ZDHHC11: variants seen among roughly 807,000 people sequenced by gnomAD.
ZDHHC11 encodes the protein zDHHC palmitoyltransferase 11.
In ZDHHC11, 44 loss-of-function variants were observed where a neutral mutation model predicts 51.3. The observed-to-expected ratio is 0.86, with a 90% CI of 0.67 to 1.10. ZDHHC11 has a LOEUF of 1.10. ZDHHC11 is among the 50% of genes least tolerant of loss of function. ZDHHC11 has a pLI of 0.00. For missense variants in ZDHHC11, 400 were observed against 537.7 expected (o/e 0.74, Z 2.53); for synonymous variants, 163 against 222.0 (o/e 0.73, Z 2.36).
intron 1 of ZDHHC11, among the ~76,000 whole-genome samples, chr5:856,051 G>T (rs1289929352): frequency 6.6e-6 from 1 of 152,120 alleles, no homozygotes. Flanking sequence ...CGTCACATCA[G>T]CCAGAGAAGA....
upstream of ZDHHC11, among the ~76,000 whole-genome samples, chr5:855,183 C>CA (rs2150509454): frequency 7.1e-6 from 1 of 140,322 alleles, no homozygotes; most frequent in African/African-American, 2.7e-5. Flanking sequence ...AACAGAGAGC[C>CA]GGGGAGACAG....
Position 805,736 on chromosome 5 carries a change from A to T in ZDHHC11, c.1182-4572T>A, listed in dbSNP as rs573683415. Among the ~76,000 whole-genome samples, 3 of 151,346 alleles carry T rather than the reference A, an allele frequency of 2.0e-5. 1 individual carries two copies. In the South Asian group the frequency reaches 6.3e-4, roughly 32 times the overall value. On this transcript the variant is annotated intron_variant, in intron 11 of 12. Transcript: ENST00000283441. ...ATAGATAGATATATTGAACTTTTTA[A>T]TTAAAAGTCAGGGATTGGCGGATTG...
chr5:799,434 C>T (rs1216738428), intron 12 of ZDHHC11, among the ~76,000 whole-genome samples: 3 of 151,636 alleles, frequency 2.0e-5, no homozygotes, highest in Admixed American at 1.3e-4. Context: ...TACCCAGGCT[C>T]AAGTGTTTCT....
At chr5:798,382 C>T (rs1285559643) in intron 12 of ZDHHC11, among the ~76,000 whole-genome samples, 9 of 151,496 alleles carry the variant, frequency 5.9e-5, no homozygotes, top group Admixed American at 5.3e-4. Context: ...AATATTTACA[C>T]TCGCACTCAC....
intron 11 of ZDHHC11, among the ~76,000 whole-genome samples, chr5:804,006 A>T: frequency 6.6e-6 from 1 of 150,732 alleles, no homozygotes; most frequent in Non-Finnish European, 1.5e-5. Flanking sequence ...GGTTTGTTAG[A>T]CACCATCAAG....
rs565713374 is a variant in ZDHHC11, at chr5:824,794, G to A, written c.1023+370C>T. ...TAAAAAAAAAAAAAAAACAGCACAT[G>A]GCTTCTGCCATGGCTACCAATTTCC... is the stretch of plus-strand genomic sequence containing the variant. On this transcript the variant is annotated intron_variant, in intron 8 of 12. Coordinates refer to ENST00000283441, the MANE Select transcript of ZDHHC11 (RefSeq NM_024786.3). Among the ~76,000 whole-genome samples the A allele has an allele frequency of 9.9e-5, 15 of 150,934 alleles. No homozygotes were observed. The South Asian group carries it at 3.1e-3, about 32-fold the overall frequency.
At chr5:852,630 CAG>C (rs1747400868), upstream of ZDHHC11, among the ~76,000 whole-genome samples, 1 of 148,928 alleles carries the variant, frequency 6.7e-6, no homozygotes, top group Non-Finnish European at 1.5e-5. Context: ...ACAGACTCCA[CAG>C]AGGACAGTGA....
Position 795,762 on chromosome 5 carries a change from G to T in ZDHHC11, c.*826C>A, listed in dbSNP as rs555246975. The T allele has an allele frequency of 6.5e-6, 1 of 154,620 alleles. No individual in the cohort carries two copies. The highest frequency in any genetic ancestry group is 2.4e-5 in the African/African-American group (1 of 41,438). 9.6% of individuals were successfully genotyped at this position (154,620 alleles called of 1,614,324 possible). ...CTACTAAGATAAGAAGTCTGGGCTA[G>T]GCTGAAAAACTCAGAATCCAGGTCT... On this transcript the variant is annotated 3_prime_UTR_variant, in exon 13 of 13. Coordinates refer to ENST00000283441, the MANE Select transcript of ZDHHC11 (RefSeq NM_024786.3).
intron 8 of ZDHHC11, chr5:823,925 C>G: frequency 5.1e-6 from 2 of 390,786 alleles, no homozygotes; most frequent in Non-Finnish European, 1.1e-5. Flanking sequence ...GGGCTGGGGG[C>G]TCAATCGATT....
intron 4 of ZDHHC11, chr5:841,102 A>G: frequency 4.4e-6 from 4 of 913,550 alleles, no homozygotes; most frequent in Non-Finnish European, 5.0e-6. Context: ...CTTCCTCACT[A>G]AGTGCCAGGG....
At position 843,909 on chromosome 5, in the gene ZDHHC11, GGGACACGCA is replaced by G. The variant is rs1561292776; in HGVS notation, c.504-194_504-186del. Among the ~76,000 whole-genome samples the G allele has an allele frequency of 7.3e-4, 85 of 116,568 alleles. 3 individuals carry two copies. Among genetic ancestry groups the G allele is most frequent in the Middle Eastern group, 3.9e-3 (1 of 258 alleles). 76.5% of individuals were successfully genotyped at this position (116,568 alleles called of 152,430 possible). A position where few individuals can be genotyped will look rare whatever the true frequency, so the allele number is the denominator to read the frequency against. ...GTGTGGGGGCGGGGAGGCAGGGGCA[GGGACACGCA>G]GGGCATCTGAGGCAGGGGCGGGGGC... On this transcript the variant is annotated intron_variant, in intron 3 of 12. Transcript: ENST00000283441.
chr5:859,886 G>A (rs1055024746), upstream of ZDHHC11, among the ~76,000 whole-genome samples: 2 of 152,158 alleles, frequency 1.3e-5, no homozygotes, highest in African/African-American at 2.4e-5. Context: ...GAATGCCTCC[G>A]ATGCGGGCCA....
Position 802,825 on chromosome 5 carries a change from C to CAAAAAAAAAAAAAAAAAAAAAAAAAAA in ZDHHC11, c.1182-1688_1182-1662dup, listed in dbSNP as rs70957306. 2.6e-4 allele frequency among the ~76,000 whole-genome samples: 5 copies of CAAAAAAAAAAAAAAAAAAAAAAAAAAA among 19,100 alleles called. 2 individuals carry two copies. The highest frequency in any genetic ancestry group is 8.4e-4 in the Non-Finnish European group (5 of 5,928). The allele number at this position is 19,100 out of a possible 152,430, so 12.5% of individuals were successfully genotyped here. On this transcript the variant is annotated intron_variant, in intron 11 of 12. Transcript: ENST00000283441. The stretch of plus-strand genomic sequence containing the variant: ...TGTCTCTACTAAAAATACAAAAATA[C>CAAAAAAAAAAAAAAAAAAAAAAAAAAA]AAAAAAAAAAAAAAAAAAAAAAAAA...
chr5:810,526 T>C (rs574356730), intron 11 of ZDHHC11, among the ~76,000 whole-genome samples: 84 of 151,170 alleles, frequency 5.6e-4, no homozygotes, highest in African/African-American at 1.8e-3. Context: ...TCTTAATGAA[T>C]GGACTTTCCC....
At chr5:857,350 C>T (rs1319114269) in intron 1 of ZDHHC11, among the ~76,000 whole-genome samples, 3 of 152,186 alleles carry the variant, frequency 2.0e-5, no homozygotes, top group African/African-American at 7.2e-5. Flanking sequence ...TCCTTCTCTG[C>T]ACCACCACAC....
chr5:834,354 G>A (rs1743496678), intron 6 of ZDHHC11, among the ~76,000 whole-genome samples: 1 of 152,178 alleles, frequency 6.6e-6, no homozygotes. Flanking sequence ...ATGTATGTAT[G>A]TATTTTTATT....
At chr5:845,170 T>C (rs1425759538) in intron 3 of ZDHHC11, among the ~76,000 whole-genome samples, 1 of 152,298 alleles carries the variant, frequency 6.6e-6, no homozygotes, top group Non-Finnish European at 1.5e-5. Flanking sequence ...CATGAGCGGC[T>C]CCCTGACTGC....
intron 3 of ZDHHC11, among the ~76,000 whole-genome samples, chr5:844,534 G>T (rs1745801134): frequency 6.6e-6 from 1 of 152,296 alleles, no homozygotes; most frequent in African/African-American, 2.4e-5. Flanking sequence ...CGCGGGCTCG[G>T]TCCACTCGGG....
intron 11 of ZDHHC11, among the ~76,000 whole-genome samples, chr5:812,381 C>G (rs948937322): frequency 2.6e-5 from 4 of 152,000 alleles, no homozygotes; most frequent in Non-Finnish European, 5.9e-5. Flanking sequence ...CACTTAGTAT[C>G]GACAATACAA....
Sources: gnomAD v4.1 joint callset for allele counts (sites outside exome capture counted in the v4.1 genomes callset) on GRCh38, gnomAD v4.1.1 for gene constraint, MANE v1.5 for transcripts, NCBI Gene and HGNC (gene_info 2026-07-23, HGNC 2026-07-21) for gene names.